Variants in SIRPD observed in about 807,000 individuals in gnomAD.
SIRPD encodes signal regulatory protein delta.
SIRPD carries 21 observed loss-of-function variants against 18.0 expected under a neutral mutation model. The ratio of observed to expected loss-of-function variants is 1.17; its 90% CI spans 0.83 to 1.68. The LOEUF (loss-of-function observed/expected upper bound fraction) is 1.68. SIRPD is among the 40% of genes most tolerant of loss of function. The pLI is 0.00. For missense variants in SIRPD, 295 were observed against 238.4 expected (o/e 1.24, Z -1.56); for synonymous variants, 106 against 92.9 (o/e 1.14, Z -0.81).
Position 1,557,617 on chromosome 20 carries a change from G to A in SIRPD, c.37C>T (p.Pro13Ser), listed in dbSNP as rs1446115970. 2 of 1,604,346 alleles carry A rather than the reference G, an allele frequency of 1.2e-6. No homozygotes were observed. Among genetic ancestry groups the A allele is most frequent in the Non-Finnish European group, 1.7e-6 (2 of 1,175,252 alleles). The part of the protein sequence containing the change: ...IPASPLHPPL[P>S]SLLLYLLLEL... ...AGCAGCAGATACAGCAGTAAGGAAG[G>A]CAGAGGTGGGTGGAGTGGGGAGGCA... The change falls in exon 1 of 4, where the codon CCT (proline) becomes TCT (serine). Residue 13 changes from proline to serine, a missense_variant. Transcript: ENST00000381623.
intron 2 of SIRPD, among the ~76,000 whole-genome samples, chr20:1,541,241 T>A (rs2090969785): frequency 6.6e-6 from 1 of 152,214 alleles, no homozygotes; most frequent in Non-Finnish European, 1.5e-5. Flanking sequence ...TGAAGTAATT[T>A]ACACTCCCAC....
At chr20:1,549,731 T>A (rs2091010365) in intron 2 of SIRPD, among the ~76,000 whole-genome samples, 1 of 152,152 alleles carries the variant, frequency 6.6e-6, no homozygotes, top group South Asian at 2.1e-4. Context: ...CTCTAAATAT[T>A]TTTTAAAAAT....
At chr20:1,543,741 C>T (rs2090981911) in intron 2 of SIRPD, among the ~76,000 whole-genome samples, 2 of 152,124 alleles carry the variant, frequency 1.3e-5, no homozygotes, top group African/African-American at 4.8e-5. Context: ...CCTGCTGTCT[C>T]CTGTGGGCAT....
chr20:1,551,789 G>A lies in SIRPD; in HGVS notation c.323C>T (p.Ser108Phe). The change falls in exon 2 of 4, where the codon TCT (serine) becomes TTT (phenylalanine). Residue 108 changes from serine (S) to phenylalanine (F), a missense_variant. Ser to Phe is a radical substitution (Grantham distance 155). Transcript: ENST00000381623. ...GTAATAGGTGCCAGCATCAGCAAGA[G>A]AGATTTCACGGATGCGGGTGGAAAA... ...TDFSTRIREI[S>F]LADAGTYYCV... 2.5e-6 allele frequency: 4 copies of A among 1,614,122 alleles called. No individual in the cohort carries two copies. Among genetic ancestry groups the A allele is most frequent in the Non-Finnish European group, 2.5e-6 (3 of 1,179,984 alleles).
chr20:1,551,705 T>C lies in SIRPD; in HGVS notation c.407A>G (p.Gln136Arg), dbSNP rs2091019720. Residue 136 changes from glutamine (Q) to arginine (R), a missense_variant, in exon 2 of 4, where the codon CAG becomes CGG. Physicochemically the swap from Gln to Arg is conservative, Grantham distance 43. Transcript: ENST00000381623. Reference protein sequence around the residue: ...IKEYQSGRGTQVFVTEQNPRP... With the variant: ...IKEYQSGRGTRVFVTEQNPRP... ...GACATACTCACCAGTAACAAACACC[T>C]GAGTGCCCCGACCTGATTGGTACTC... 1 of 1,612,900 alleles carries C rather than the reference T, an allele frequency of 6.2e-7. No homozygotes were observed.
Position 1,534,324 on chromosome 20 carries a change from T to A in SIRPD, c.*101A>T. On this transcript the variant is annotated 3_prime_UTR_variant, in exon 4 of 4. Coordinates refer to ENST00000381623, the MANE Select transcript of SIRPD (RefSeq NM_178460.3). Reference sequence around the variant, plus strand: ...TTATGTCAGTGGAAGAAAGCTCTCTTGAAGAAGGCAAATGAAACTCCTAAA... The same window carrying A: ...TTATGTCAGTGGAAGAAAGCTCTCTAGAAGAAGGCAAATGAAACTCCTAAA... The A allele has an allele frequency of 1.3e-6, 2 of 1,526,212 alleles. No individual in the cohort carries two copies. The allele number at this position is 1,526,212 out of a possible 1,614,324, so 94.5% of individuals were successfully genotyped here. A position where few individuals can be genotyped will look rare whatever the true frequency, so the allele number is the denominator to read the frequency against.
At chr20:1,548,709 G>A (rs2091005310) in intron 2 of SIRPD, among the ~76,000 whole-genome samples, 1 of 151,896 alleles carries the variant, frequency 6.6e-6, no homozygotes, top group Non-Finnish European at 1.5e-5. Context: ...TCTTCTAGGA[G>A]TTTGTCTTTT....
chr20:1,540,226 A>G (rs1006509834), intron 2 of SIRPD: 2 of 443,500 alleles, frequency 4.5e-6, no homozygotes, highest in African/African-American at 4.1e-5. Context: ...CCAAAAGAGA[A>G]AGGGAATATG....
At chr20:1,552,369 G>A (rs1643603823) in intron 1 of SIRPD, among the ~76,000 whole-genome samples, 1 of 152,114 alleles carries the variant, frequency 6.6e-6, no homozygotes, top group African/African-American at 2.4e-5. Flanking sequence ...ATTGCCTAGA[G>A]TCACTCGGTA....
intron 1 of SIRPD, among the ~76,000 whole-genome samples, 174 bp downstream of exon 1, chr20:1,557,407 G>C (rs1424172316): frequency 6.6e-6 from 1 of 152,142 alleles, no homozygotes; most frequent in Admixed American, 6.5e-5. Flanking sequence ...TGGCCACCGG[G>C]AGACTTTGTC....
At chr20:1,550,714 G>A (rs558631094) in intron 2 of SIRPD, among the ~76,000 whole-genome samples, 2 of 152,200 alleles carry the variant, frequency 1.3e-5, no homozygotes, top group Admixed American at 6.5e-5. Flanking sequence ...ACTGGACTGG[G>A]CCCAGACCAA....
chr20:1,547,443 G>C (rs936325159), intron 2 of SIRPD, among the ~76,000 whole-genome samples: 2 of 152,112 alleles, frequency 1.3e-5, no homozygotes, highest in Non-Finnish European at 2.9e-5. Flanking sequence ...TATTTTTAGA[G>C]ATGAGATTTC....
At chr20:1,555,193 A>G (rs773020355) in intron 1 of SIRPD, among the ~76,000 whole-genome samples, 8 of 152,206 alleles carry the variant, frequency 5.3e-5, no homozygotes, top group Non-Finnish European at 8.8e-5. Context: ...CACCATGGAT[A>G]TTATGGTGTG....
chr20:1,537,308 G>A lies in SIRPD; in HGVS notation c.424C>T (p.Gln142Ter). 6.2e-7 allele frequency: 1 copy of A among 1,613,546 alleles called. No homozygotes were observed. The highest frequency in any genetic ancestry group is 8.5e-7 in the Non-Finnish European group (1 of 1,179,614). ...GRGTQVFVTE[Q>*]NPRPPKNRPA... Reference sequence around the variant, plus strand: ...CTGTTCTTGGGAGGTCTTGGATTCTGCTCTGCTGAGAGAGGCAAAACTATG... The same window carrying A: ...CTGTTCTTGGGAGGTCTTGGATTCTACTCTGCTGAGAGAGGCAAAACTATG... Residue 142 changes from glutamine to a stop codon, truncating the protein, a stop_gained and splice_region_variant, in exon 3 of 4, where the codon CAG becomes TAG. Coordinates refer to ENST00000381623, the MANE Select transcript of SIRPD (RefSeq NM_178460.3). LOFTEE classifies it high-confidence loss of function.
At chr20:1,556,467 T>G (rs182734086) in intron 1 of SIRPD, among the ~76,000 whole-genome samples, 178 of 152,366 alleles carry the variant, frequency 1.2e-3, no homozygotes, top group African/African-American at 4.1e-3. Flanking sequence ...AAATTTCATG[T>G]TGAGGCTATT....
rs2090936007 is a variant in SIRPD at position 1,534,286 on chromosome 20, T to C, written c.*139A>G. Reference sequence around the variant, plus strand: ...GTAAATAGACAGATTTATTGTACGATCAAGCTGGCATTTTATGTCAGTGGA... The same window carrying C: ...GTAAATAGACAGATTTATTGTACGACCAAGCTGGCATTTTATGTCAGTGGA... On this transcript the variant is annotated 3_prime_UTR_variant, in exon 4 of 4. Coordinates refer to ENST00000381623, the MANE Select transcript of SIRPD (RefSeq NM_178460.3). 11 of 1,175,966 alleles carry C rather than the reference T, an allele frequency of 9.4e-6. No homozygotes were observed. In the Admixed American group the frequency reaches 1.9e-4, roughly 20 times the overall value. 72.8% of individuals were successfully genotyped at this position (1,175,966 alleles called of 1,614,324 possible).
intron 2 of SIRPD, among the ~76,000 whole-genome samples, chr20:1,537,660 G>A (rs1012561644): frequency 2.0e-5 from 3 of 152,178 alleles, no homozygotes; most frequent in African/African-American, 7.2e-5. Context: ...TAGTCAGGAG[G>A]AGGGCTCCCG....
intron 1 of SIRPD, among the ~76,000 whole-genome samples, chr20:1,556,999 T>G (rs1455461827): frequency 1.3e-5 from 2 of 152,232 alleles, no homozygotes; most frequent in East Asian, 3.8e-4. Context: ...ACGCCTATAA[T>G]GCGAGCACTT....
At chr20:1,552,066 A>G (rs767625211) in intron 1 of SIRPD, 28 bp from the exon 2 acceptor site, 1 of 1,590,612 alleles carries the variant, frequency 6.3e-7, no homozygotes, top group Non-Finnish European at 8.6e-7. Flanking sequence ...ATCATTTCTC[A>G]TTTCCCCTGT....
Sources: gnomAD v4.1 joint callset for allele counts (sites outside exome capture counted in the v4.1 genomes callset) on GRCh38, gnomAD v4.1.1 for gene constraint, MANE v1.5 for transcripts, NCBI Gene and HGNC (gene_info 2026-07-23, HGNC 2026-07-21) for gene names.